The following TGFA variants were observed in gnomAD, a reference collection of about 807,000 sequenced individuals.
TGFA encodes the protein transforming growth factor alpha.
In TGFA, 12 loss-of-function variants were observed where a neutral mutation model predicts 21.7. That is an observed-to-expected ratio of 0.55 (90% CI 0.35 to 0.90). TGFA has a LOEUF of 0.90. Ranked by LOEUF, TGFA falls within the 40% of genes least tolerant of loss-of-function variation. The probability of loss-of-function intolerance (pLI) is 0.01; values close to 1 mark genes in which losing one functional copy is unlikely to be tolerated. For synonymous variants in TGFA, 79 were observed against 88.1 expected (o/e 0.90, Z 0.58); for missense variants, 178 against 210.8 (o/e 0.84, Z 0.96).
At chr2:70,528,856 G>A (rs782216835) in intron 1 of TGFA, among the ~76,000 whole-genome samples, 18 of 152,118 alleles carry the variant, frequency 1.2e-4, no homozygotes, top group African/African-American at 2.9e-4. Context: ...TATCAGACAC[G>A]GCCTTTATCA....
rs1378755067 is a variant in TGFA, at chr2:70,448,789, G to A, written c.*2070C>T. ...GCATGTGTGTTACAGGCATAAGGATGAGGGCACTGGCAGGTGTGACTTGCT... is the reference window on the plus strand; with the variant it reads ...GCATGTGTGTTACAGGCATAAGGATAAGGGCACTGGCAGGTGTGACTTGCT... On this transcript the variant is annotated 3_prime_UTR_variant, in exon 6 of 6. Transcript: ENST00000295400. The A allele has an allele frequency of 1.3e-5, 2 of 152,360 alleles. No homozygotes were observed. The highest frequency in any genetic ancestry group is 2.9e-5 in the Non-Finnish European group (2 of 68,050). The allele number at this position is 152,360 out of a possible 1,614,324, so 9.4% of individuals were successfully genotyped here. A position where few individuals can be genotyped will look rare whatever the true frequency, so the allele number is the denominator to read the frequency against.
At chr2:70,476,349 C>G (rs11678075) in intron 2 of TGFA, among the ~76,000 whole-genome samples, 42,173 of 152,062 alleles carry the variant, frequency 0.28, 6,560 homozygotes, top group East Asian at 0.39. Flanking sequence ...CTTTCATCAG[C>G]TGGCTTTGAA....
rs1328024377 is a variant in TGFA at position 70,529,074 on chromosome 2, A to G, written c.41-14162T>C. Among the ~76,000 whole-genome samples the G allele has an allele frequency of 2.0e-5, 3 of 152,178 alleles. No individual in the cohort carries two copies. The East Asian group carries it at 5.8e-4, about 29-fold the overall frequency. ...GTTGCCAGCACTGTTACAACCTGAC[A>G]TTTTATGGTATGTATGTCTGTTTGT... On this transcript the variant is annotated intron_variant, in intron 1 of 5. Transcript: ENST00000295400.
chr2:70,469,117 G>T (rs1670658996), intron 2 of TGFA, among the ~76,000 whole-genome samples: 1 of 152,084 alleles, frequency 6.6e-6, no homozygotes, highest in African/African-American at 2.4e-5. Flanking sequence ...TTTGGGCTGG[G>T]TTCCTCCAAG....
intron 3 of TGFA, among the ~76,000 whole-genome samples, chr2:70,459,809 G>A (rs542299579): frequency 6.6e-6 from 1 of 152,192 alleles, no homozygotes. Flanking sequence ...TATCACTCTA[G>A]TGTTAATAGC....
At chr2:70,514,826 C>T in intron 2 of TGFA, 33 bp downstream of exon 2, 1 of 1,612,430 alleles carries the variant, frequency 6.2e-7, no homozygotes, top group South Asian at 1.1e-5. Context: ...CCTTCCCACA[C>T]ACGATCCACA....
chr2:70,495,025 T>G (rs1460958508), intron 2 of TGFA, among the ~76,000 whole-genome samples: 1 of 152,268 alleles, frequency 6.6e-6, no homozygotes, highest in Non-Finnish European at 1.5e-5. Context: ...TTGTGTAAGC[T>G]ATATAAATAT....
intron 3 of TGFA, among the ~76,000 whole-genome samples, chr2:70,460,375 C>G (rs1378030463): frequency 4.3e-5 from 4 of 94,108 alleles, no homozygotes; most frequent in African/African-American, 1.5e-4. Context: ...TGGTGACATA[C>G]TTTTTTTAAA....
intron 2 of TGFA, among the ~76,000 whole-genome samples, chr2:70,494,434 TCCTGATAAGTATCTGGCTG>T (rs1671522229): frequency 6.6e-6 from 1 of 152,238 alleles, no homozygotes; most frequent in Non-Finnish European, 1.5e-5. Context: ...CTTGGAGTTT[TCCTGATAAGTATCTGGCTG>T]CAATGAACAC....
At chr2:70,553,153 C>A (rs1319733108) in intron 1 of TGFA, 21 of 1,534,986 alleles carry the variant, frequency 1.4e-5, no homozygotes, top group Non-Finnish European at 1.6e-5. Context: ...ATTAAAGGAA[C>A]CATTAATCCG....
chr2:70,505,204 A>G (rs1671882929), intron 2 of TGFA, among the ~76,000 whole-genome samples: 1 of 152,234 alleles, frequency 6.6e-6, no homozygotes, highest in South Asian at 2.1e-4. Flanking sequence ...ATTTACGTTA[A>G]TAATAAAGGC....
At chr2:70,534,879 C>T (rs1477206884) in intron 1 of TGFA, among the ~76,000 whole-genome samples, 2 of 152,122 alleles carry the variant, frequency 1.3e-5, no homozygotes, top group African/African-American at 2.4e-5. Flanking sequence ...ACTCCAGGCA[C>T]CTCAGCATCC....
intron 1 of TGFA, among the ~76,000 whole-genome samples, chr2:70,526,552 A>G (rs1553503010): frequency 6.6e-6 from 1 of 152,226 alleles, no homozygotes; most frequent in Admixed American, 6.5e-5. Flanking sequence ...ACCAGTAAGG[A>G]ACAAGGCATG....
At chr2:70,496,195 T>G (rs954931565) in intron 2 of TGFA, among the ~76,000 whole-genome samples, 1 of 152,124 alleles carries the variant, frequency 6.6e-6, no homozygotes, top group Non-Finnish European at 1.5e-5. Flanking sequence ...GACACTGCTT[T>G]CCAGTTGCTG....
At chr2:70,482,459 A>G (rs1416063428) in intron 2 of TGFA, among the ~76,000 whole-genome samples, 1 of 152,146 alleles carries the variant, frequency 6.6e-6, no homozygotes, top group Non-Finnish European at 1.5e-5. Flanking sequence ...ACCACCTCCC[A>G]TGACCTGATT....
At chr2:70,547,492 T>A (rs1553506083) in intron 1 of TGFA, among the ~76,000 whole-genome samples, 2 of 148,502 alleles carry the variant, frequency 1.3e-5, no homozygotes, top group African/African-American at 5.0e-5. Context: ...GCAGTGAGCC[T>A]AGATCGTGCC....
At chr2:70,466,694 A>G (rs1428592385) in intron 2 of TGFA, among the ~76,000 whole-genome samples, 1 of 152,236 alleles carries the variant, frequency 6.6e-6, no homozygotes, top group Non-Finnish European at 1.5e-5. Context: ...ATATACCCAA[A>G]GGAATATAAA....
chr2:70,476,207 A>T (rs190580439), intron 2 of TGFA, among the ~76,000 whole-genome samples: 38 of 151,970 alleles, frequency 2.5e-4, no homozygotes, highest in Admixed American at 2.5e-3. Context: ...GAGACAAATC[A>T]TTTCCTTCTT....
rs1403195695 is a variant in TGFA at position 70,549,322 on chromosome 2, C to A, written c.40+4406G>T. ...TGGCATTTACAAGCGTCTGAACGTACTTTAGGTAACATGCAATTGGTTAAG... is the reference window on the plus strand; with the variant it reads ...TGGCATTTACAAGCGTCTGAACGTAATTTAGGTAACATGCAATTGGTTAAG... On this transcript the variant is annotated intron_variant, in intron 1 of 5. Transcript: ENST00000295400. Among the ~76,000 whole-genome samples the A allele has an allele frequency of 2.6e-5, 4 of 152,166 alleles. No homozygotes were observed. In the East Asian group the frequency reaches 7.7e-4, roughly 29 times the overall value.
Sources: allele counts gnomAD v4.1 joint callset (sites outside exome capture counted in the v4.1 genomes callset), GRCh38; gene constraint gnomAD v4.1.1; transcripts MANE v1.5; gene names NCBI Gene and HGNC (gene_info 2026-07-23, HGNC 2026-07-21).